PXDNL: variants seen among roughly 807,000 people sequenced by gnomAD.
The protein encoded by PXDNL is probable oxidoreductase PXDNL.
A neutral mutation model predicts 150.8 loss-of-function variants in PXDNL; 145 were observed. That is an observed-to-expected ratio of 0.96 (90% confidence interval 0.84 to 1.10). PXDNL has a LOEUF of 1.10. Among genes scored for constraint, PXDNL ranks in the 50% least tolerant of loss-of-function variants. PXDNL has a pLI of 0.00. For missense variants in PXDNL, 2,087 were observed against 1,873.9 expected (o/e 1.11, Z -2.10); for synonymous variants, 757 against 725.7 (o/e 1.04, Z -0.69).
intron 1 of PXDNL, among the ~76,000 whole-genome samples, chr8:51,698,532 A>G (rs1316059933): frequency 6.6e-6 from 1 of 152,242 alleles, no homozygotes; most frequent in African/African-American, 2.4e-5. Context: ...CCACATCTGC[A>G]GTTATTTCTT....
At chr8:51,552,602 G>T (rs971616116) in intron 4 of PXDNL, among the ~76,000 whole-genome samples, 5 of 152,162 alleles carry the variant, frequency 3.3e-5, no homozygotes, top group African/African-American at 1.2e-4. Flanking sequence ...AATATCGTAG[G>T]TTCTCATAAG....
chr8:51,611,811 T>C (rs1814009010), intron 2 of PXDNL, among the ~76,000 whole-genome samples: 1 of 152,154 alleles, frequency 6.6e-6, no homozygotes, highest in Non-Finnish European at 1.5e-5. Context: ...GGCCAGACTT[T>C]CCCAGGAAGG....
At chr8:51,528,785 C>T (rs1013404332) in intron 4 of PXDNL, among the ~76,000 whole-genome samples, 1 of 152,140 alleles carries the variant, frequency 6.6e-6, no homozygotes, top group East Asian at 1.9e-4. Flanking sequence ...CCCACGACTG[C>T]CAGCAACCTC....
At chr8:51,637,894 A>G (rs189875067) in intron 2 of PXDNL, among the ~76,000 whole-genome samples, 2 of 152,310 alleles carry the variant, frequency 1.3e-5, no homozygotes, top group African/African-American at 4.8e-5. Context: ...CAAGACATAT[A>G]ATTGTCAGAT....
At chr8:51,740,945 GT>G (rs1282094293) in intron 1 of PXDNL, among the ~76,000 whole-genome samples, 1 of 152,116 alleles carries the variant, frequency 6.6e-6, no homozygotes, top group East Asian at 1.9e-4. Context: ...TCTCCTCCAG[GT>G]TTTGGTATCA....
At chr8:51,748,158 G>A (rs929217375) in intron 1 of PXDNL, among the ~76,000 whole-genome samples, 6 of 152,144 alleles carry the variant, frequency 3.9e-5, no homozygotes, top group African/African-American at 1.4e-4. Flanking sequence ...GACAGCAGCC[G>A]CTAAGCTACT....
chr8:51,462,828 C>A (rs1288121383), intron 8 of PXDNL, among the ~76,000 whole-genome samples: 1 of 151,870 alleles, frequency 6.6e-6, no homozygotes, highest in East Asian at 1.9e-4. Context: ...ACAAGATGCC[C>A]CCAAGACACA....
In PXDNL at chr8:51,382,059, G is replaced by A. The variant is rs193079083; in HGVS notation, c.3558-7328C>T. On this transcript the variant is annotated intron_variant, in intron 17 of 22. Transcript: ENST00000356297. ...CACCATGTTAACCCAGGATGGTCTC[G>A]ATCTCCTGACCTTGTGATCTGCCCG... 1.7e-3 allele frequency among the ~76,000 whole-genome samples: 259 copies of A among 152,164 alleles called. 1 individual carries two copies. Among genetic ancestry groups the A allele is most frequent in the African/African-American group, 5.5e-3 (229 of 41,520 alleles).
chr8:51,543,710 CAAAA>C (rs572642373), intron 4 of PXDNL, among the ~76,000 whole-genome samples: 6 of 60,430 alleles, frequency 9.9e-5, no homozygotes, highest in Non-Finnish European at 1.5e-4. Context: ...GACTCCATAT[CAAAA>C]AAAAAAAAAA....
chr8:51,645,269 A>G (rs1814892791), intron 2 of PXDNL, among the ~76,000 whole-genome samples: 1 of 152,190 alleles, frequency 6.6e-6, no homozygotes, highest in Admixed American at 6.6e-5. Context: ...CACTAGGGAC[A>G]GCCATCTGCT....
At chr8:51,721,134 C>A (rs1202739474) in intron 1 of PXDNL, among the ~76,000 whole-genome samples, 1 of 152,204 alleles carries the variant, frequency 6.6e-6, no homozygotes, top group African/African-American at 2.4e-5. Context: ...AACCTGCAGA[C>A]AACCTTCAAA....
intron 4 of PXDNL, among the ~76,000 whole-genome samples, chr8:51,532,802 G>C (rs182950601): frequency 3.0e-4 from 45 of 152,212 alleles, no homozygotes; most frequent in Middle Eastern, 3.4e-3. Flanking sequence ...CTTCACTAAA[G>C]ATATTAAAAC....
At chr8:51,770,965 A>G (rs2037287227) in intron 1 of PXDNL, among the ~76,000 whole-genome samples, 1 of 152,234 alleles carries the variant, frequency 6.6e-6, no homozygotes, top group Non-Finnish European at 1.5e-5. Context: ...CCCACCAGCC[A>G]TCACAGACAC....
intron 19 of PXDNL, among the ~76,000 whole-genome samples, chr8:51,367,198 C>G (rs1410691200): frequency 6.6e-6 from 1 of 151,350 alleles, no homozygotes; most frequent in East Asian, 1.9e-4. Context: ...TAGTGGCAAG[C>G]CTGGGATGTT....
Position 51,386,097 on chromosome 8 carries a change from C to CTT in PXDNL, c.3558-11368_3558-11367dup, listed in dbSNP as rs372663749. On this transcript the variant is annotated intron_variant, in intron 17 of 22. Transcript: ENST00000356297. ...TAACAGAAATGTTGGGTGATTCATT[C>CTT]TTTTTTTTTTTTGACATAAGACTCT... 2.8e-4 allele frequency among the ~76,000 whole-genome samples: 41 copies of CTT among 146,446 alleles called. 1 individual carries two copies. The highest frequency in any genetic ancestry group is 2.1e-4 in the Non-Finnish European group (14 of 66,158).
chr8:51,472,492 G>C (rs537825801), intron 7 of PXDNL, among the ~76,000 whole-genome samples, 188 bp from the exon 8 acceptor site: 1 of 152,248 alleles, frequency 6.6e-6, no homozygotes, highest in Non-Finnish European at 1.5e-5. Context: ...TACTTTAGAA[G>C]TTTGAAAAAT....
chr8:51,632,433 T>C (rs1814511637), intron 2 of PXDNL, among the ~76,000 whole-genome samples: 2 of 152,028 alleles, frequency 1.3e-5, no homozygotes, highest in Non-Finnish European at 1.5e-5. Context: ...AAATCTTGTC[T>C]CTACAAAATG....
intron 1 of PXDNL, among the ~76,000 whole-genome samples, chr8:51,724,671 G>C (rs1816791274): frequency 6.6e-6 from 1 of 152,184 alleles, no homozygotes; most frequent in Non-Finnish European, 1.5e-5. Context: ...CATAGGCAGA[G>C]ATGAGTAACA....
At chr8:51,571,611 A>T (rs185655747) in intron 3 of PXDNL, among the ~76,000 whole-genome samples, 244 of 151,960 alleles carry the variant, frequency 1.6e-3, no homozygotes, top group African/African-American at 5.2e-3. Flanking sequence ...GAACTAAAAA[A>T]CACATTTTTA....
Sources: allele counts gnomAD v4.1 joint callset (sites outside exome capture counted in the v4.1 genomes callset), GRCh38; gene constraint gnomAD v4.1.1; transcripts MANE v1.5; gene names NCBI Gene and HGNC (gene_info 2026-07-23, HGNC 2026-07-21).